Variants in MET observed in about 807,000 individuals in gnomAD.
The protein encoded by MET is hepatocyte growth factor receptor.
MET carries 48 observed loss-of-function variants against 133.1 expected under a neutral mutation model. The observed-to-expected ratio is 0.36, with a 90% CI of 0.29 to 0.46. The LOEUF (loss-of-function observed/expected upper bound fraction) is 0.46, where lower values mean the gene tolerates loss of function less well. MET is among the 20% of genes least tolerant of loss of function. MET has a pLI of 1.00. For missense variants in MET, 1,442 were observed against 1,695.9 expected (o/e 0.85, Z 2.63); for synonymous variants, 628 against 616.5 (o/e 1.02, Z -0.28).
intron 1 of MET, among the ~76,000 whole-genome samples, chr7:116,681,778 GT>G (rs1382088629): frequency 6.6e-6 from 1 of 152,154 alleles, no homozygotes; most frequent in African/African-American, 2.4e-5. Flanking sequence ...CAACCATCTG[GT>G]TAATACAAAG....
chr7:116,689,638 G>A (rs531944377), intron 1 of MET, among the ~76,000 whole-genome samples: 10 of 138,522 alleles, frequency 7.2e-5, no homozygotes, highest in African/African-American at 1.7e-4. Context: ...GTGTGATCAC[G>A]GTTCACTGCA....
At chr7:116,740,743 G>C in intron 4 of MET, 109 bp from the exon 5 acceptor site, 1 of 1,404,768 alleles carries the variant, frequency 7.1e-7, no homozygotes, top group Non-Finnish European at 1.0e-6. Context: ...GCTAAGTCTA[G>C]AAAATTCCAT....
At chr7:116,788,115 T>C (rs890429843) in intron 19 of MET, among the ~76,000 whole-genome samples, 1 of 152,178 alleles carries the variant, frequency 6.6e-6, no homozygotes, top group Non-Finnish European at 1.5e-5. Flanking sequence ...ATGAAATTTC[T>C]AGAAAGAGGC....
At position 116,739,994 on chromosome 7, in the gene MET, T is replaced by G. The variant is rs1346572528; in HGVS notation, c.1437T>G (p.Phe479Leu). The change falls in exon 4 of 21, where the codon TTT becomes TTG. Residue 479 changes from phenylalanine (F) to leucine (L), a missense_variant. Physicochemically the swap from Phe to Leu is conservative, Grantham distance 22. Transcript: ENST00000397752. ...GACCATCAACCCCTCATGTGAATTTTCTCCTGGACTCCCATCCAGTGTCTC... is the reference window on the plus strand; with the variant it reads ...GACCATCAACCCCTCATGTGAATTTGCTCCTGGACTCCCATCCAGTGTCTC... ...RSGPSTPHVNFLLDSHPVSPE... is the reference protein window; with the variant it reads ...RSGPSTPHVNLLLDSHPVSPE... 1 of 1,614,068 alleles carries G rather than the reference T, an allele frequency of 6.2e-7. No homozygotes were observed. The highest frequency in any genetic ancestry group is 8.5e-7 in the Non-Finnish European group (1 of 1,180,014).
chr7:116,696,477 A>G (rs1422016142), intron 1 of MET, among the ~76,000 whole-genome samples: 2 of 152,170 alleles, frequency 1.3e-5, no homozygotes, highest in Admixed American at 6.5e-5. Flanking sequence ...ATCTGATACT[A>G]CTATAGAAAC....
intron 19 of MET, among the ~76,000 whole-genome samples, chr7:116,793,104 C>G (rs1253262900): frequency 1.3e-5 from 2 of 152,066 alleles, no homozygotes; most frequent in Non-Finnish European, 2.9e-5. Context: ...AAGCTTGGCG[C>G]TTACAGATGC....
At chr7:116,713,075 G>A (rs537241228) in intron 2 of MET, among the ~76,000 whole-genome samples, 26 of 152,272 alleles carry the variant, frequency 1.7e-4, no homozygotes, top group South Asian at 8.3e-4. Context: ...ACCAATCCAT[G>A]ATTTCAAGTT....
chr7:116,737,967 T>C (rs1053227376), intron 3 of MET, among the ~76,000 whole-genome samples: 3 of 152,152 alleles, frequency 2.0e-5, no homozygotes, highest in African/African-American at 7.2e-5. Flanking sequence ...GTGATTGTTA[T>C]GTAGCCGGTC....
intron 17 of MET, among the ~76,000 whole-genome samples, chr7:116,779,535 C>T (rs1795092864): frequency 6.6e-6 from 1 of 152,188 alleles, no homozygotes; most frequent in Non-Finnish European, 1.5e-5. Context: ...CACCCACCCT[C>T]ATGGCTTCAG....
Position 116,797,746 on chromosome 7 carries a change from A to G in MET, c.*1622A>G, listed in dbSNP as rs1366386319. 8.8e-6 allele frequency: 2 copies of G among 228,088 alleles called. No homozygotes were observed. Among genetic ancestry groups the G allele is most frequent in the Non-Finnish European group, 1.7e-5 (2 of 114,770 alleles). 14.1% of individuals were successfully genotyped at this position (228,088 alleles called of 1,614,324 possible). A position where few individuals can be genotyped will look rare whatever the true frequency, so the allele number is the denominator to read the frequency against. ...GGGATTAATGACAGCATGATTTTCA[A>G]TGACTGTAAATTGCGATAAGGAAAT... On this transcript the variant is annotated 3_prime_UTR_variant, in exon 21 of 21. Coordinates refer to ENST00000397752, the MANE Select transcript of MET (RefSeq NM_000245.4).
intron 3 of MET, among the ~76,000 whole-genome samples, chr7:116,737,200 A>G (rs183181798): frequency 2.6e-5 from 4 of 152,082 alleles, no homozygotes; most frequent in East Asian, 1.9e-4. Context: ...TCTTCATCCC[A>G]TTTTCTATAG....
intron 6 of MET, among the ~76,000 whole-genome samples, chr7:116,755,940 G>A (rs1794162134): frequency 6.6e-6 from 1 of 152,176 alleles, no homozygotes; most frequent in South Asian, 2.1e-4. Flanking sequence ...CCTCAGAAAT[G>A]TAGTGAGGCA....
At position 116,755,251 on chromosome 7, in the gene MET, A is replaced by G. The variant is rs1370646414; in HGVS notation, c.1702-104A>G. The G allele has an allele frequency of 1.4e-5, 18 of 1,309,532 alleles. No homozygotes were observed. In the East Asian group the frequency reaches 4.5e-4, roughly 33 times the overall value. The allele number at this position is 1,309,532 out of a possible 1,614,324, so 81.1% of individuals were successfully genotyped here. ...TACTAAATTGTGGGAAAATGAAAGA[A>G]TTTCAGACTATTTAAGGATATACAT... On this transcript the variant is annotated intron_variant, in intron 5 of 20. Transcript: ENST00000397752.
intron 1 of MET, among the ~76,000 whole-genome samples, chr7:116,686,804 T>A (rs2116510157): frequency 6.6e-6 from 1 of 152,316 alleles, no homozygotes; most frequent in Non-Finnish European, 1.5e-5. Context: ...AATTGCAGCT[T>A]CCTGGACAAC....
At chr7:116,792,456 GACACAC>G (rs56212730) in intron 19 of MET, among the ~76,000 whole-genome samples, 5,902 of 80,640 alleles carry the variant, frequency 0.073, 293 homozygotes, top group African/African-American at 0.15. Context: ...TCAACCGACA[GACACAC>G]ACACACACAC....
intron 19 of MET, among the ~76,000 whole-genome samples, chr7:116,792,468 C>G (rs1022113954): frequency 7.0e-6 from 1 of 142,434 alleles, no homozygotes; most frequent in African/African-American, 2.6e-5. Flanking sequence ...CACACACACA[C>G]ACACACACAC....
intron 2 of MET, among the ~76,000 whole-genome samples, chr7:116,716,099 A>T (rs752866538): frequency 2.3e-4 from 35 of 151,978 alleles, no homozygotes; most frequent in Non-Finnish European, 4.0e-4. Flanking sequence ...AAGAAATACA[A>T]AAATTAGCCA....
intron 1 of MET, among the ~76,000 whole-genome samples, chr7:116,684,095 C>T (rs1456379339): frequency 1.3e-5 from 2 of 152,178 alleles, no homozygotes; most frequent in African/African-American, 4.8e-5. Context: ...ATTAACTCAA[C>T]TAATTACTTT....
intron 2 of MET, among the ~76,000 whole-genome samples, chr7:116,731,403 G>T (rs1562903209): frequency 1.3e-5 from 2 of 152,204 alleles, no homozygotes; most frequent in Non-Finnish European, 2.9e-5. Context: ...TATAATAGCA[G>T]CAGCTAAGTT....
Sources: allele counts gnomAD v4.1 joint callset (sites outside exome capture counted in the v4.1 genomes callset), GRCh38; gene constraint gnomAD v4.1.1; transcripts MANE v1.5; gene names NCBI Gene and HGNC (gene_info 2026-07-23, HGNC 2026-07-21).